Variants in ARMC9 observed in about 807,000 individuals in gnomAD.
ARMC9 encodes the protein armadillo repeat containing 9.
ARMC9 carries 94 observed loss-of-function variants against 107.0 expected under a neutral mutation model. The observed-to-expected ratio is 0.88, with a 90% CI of 0.74 to 1.04. The LOEUF is 1.04. ARMC9 is among the 50% of genes least tolerant of loss of function. The pLI, the probability that ARMC9 is intolerant of heterozygous loss-of-function variation, is 0.00. For synonymous variants in ARMC9, 380 were observed against 396.9 expected (o/e 0.96, Z 0.51); for missense variants, 942 against 1,030.1 (o/e 0.91, Z 1.17).
chr2:231,300,808 T>C (rs1418247446), intron 19 of ARMC9, among the ~76,000 whole-genome samples: 5 of 152,138 alleles, frequency 3.3e-5, no homozygotes, highest in Non-Finnish European at 7.3e-5. Flanking sequence ...ATAAAGGTGA[T>C]AGACACAGGA....
At chr2:231,270,068 G>A (rs559195412) in intron 12 of ARMC9, among the ~76,000 whole-genome samples, 2 of 152,240 alleles carry the variant, frequency 1.3e-5, no homozygotes, top group South Asian at 4.2e-4. Context: ...TGATTTCACG[G>A]TCTCTAATTC....
chr2:231,279,603 C>T (rs1479036050), intron 16 of ARMC9, among the ~76,000 whole-genome samples: 3 of 151,024 alleles, frequency 2.0e-5, no homozygotes, highest in African/African-American at 2.4e-5. Context: ...CTCCACCTCC[C>T]GGGTTCAAGC....
chr2:231,331,762 C>T (rs1301649100), intron 19 of ARMC9, 31 bp from the exon 20 acceptor site: 2 of 1,589,842 alleles, frequency 1.3e-6, no homozygotes, highest in African/African-American at 1.3e-5. Flanking sequence ...TCAGGGTGTC[C>T]ATGGCATTCA....
At chr2:231,221,090 A>G in intron 5 of ARMC9, among the ~76,000 whole-genome samples, 1 of 152,180 alleles carries the variant, frequency 6.6e-6, no homozygotes, top group East Asian at 1.9e-4. Flanking sequence ...TCGTTGTCTT[A>G]CAGTTCTGGA....
intron 2 of ARMC9, 122 bp from the exon 3 acceptor site, chr2:231,208,005 C>T: frequency 7.1e-6 from 4 of 560,732 alleles, no homozygotes; most frequent in Non-Finnish European, 1.3e-5. Flanking sequence ...AGCACCTTTT[C>T]ATGTATCTGT....
At chr2:231,258,369 C>T (rs1257546822) in intron 10 of ARMC9, among the ~76,000 whole-genome samples, 6 of 151,862 alleles carry the variant, frequency 4.0e-5, no homozygotes, top group Non-Finnish European at 7.4e-5. Context: ...TTAGTAGAGA[C>T]GGGGTTTCAC....
At chr2:231,263,094 G>T (rs1209391591) in intron 12 of ARMC9, among the ~76,000 whole-genome samples, 1 of 152,194 alleles carries the variant, frequency 6.6e-6, no homozygotes, top group African/African-American at 2.4e-5. Context: ...CACTGGACAG[G>T]AGGAGGATCA....
chr2:231,247,001 G>A (rs971442651), intron 9 of ARMC9, among the ~76,000 whole-genome samples: 1 of 151,670 alleles, frequency 6.6e-6, no homozygotes, highest in Admixed American at 6.6e-5. Context: ...CCATCACCAG[G>A]CTGGAGTGCA....
chr2:231,270,706 A>G (rs968009544), intron 12 of ARMC9: 1 of 590,228 alleles, frequency 1.7e-6, no homozygotes, highest in African/African-American at 1.8e-5. Flanking sequence ...CAACGGTAAC[A>G]GCAAACAGGA....
intron 19 of ARMC9, among the ~76,000 whole-genome samples, chr2:231,324,340 C>A (rs1280308233): frequency 8.6e-5 from 13 of 150,978 alleles, no homozygotes; most frequent in East Asian, 2.0e-4. Context: ...ATTGGCCAGG[C>A]TGGTCTTGAA....
chr2:231,201,165 C>T (rs2030880331), intron 1 of ARMC9, among the ~76,000 whole-genome samples: 1 of 152,196 alleles, frequency 6.6e-6, no homozygotes. Flanking sequence ...AGCTGCCTTT[C>T]TTCTCTCCCC....
chr2:231,273,708 C>T (rs1211518985), intron 14 of ARMC9, among the ~76,000 whole-genome samples: 2 of 152,178 alleles, frequency 1.3e-5, no homozygotes, highest in African/African-American at 4.8e-5. Flanking sequence ...AGTCACCGCA[C>T]CCGGCCCCGT....
At chr2:231,239,038 A>G (rs1386724651) in intron 8 of ARMC9, among the ~76,000 whole-genome samples, 5 of 152,302 alleles carry the variant, frequency 3.3e-5, no homozygotes, top group African/African-American at 1.2e-4. Flanking sequence ...AAGTTCCCCC[A>G]GGTGGAATCA....
chr2:231,229,946 A>G (rs1216039357), intron 7 of ARMC9, among the ~76,000 whole-genome samples: 1 of 152,140 alleles, frequency 6.6e-6, no homozygotes, highest in African/African-American at 2.4e-5. Flanking sequence ...CGGGGGAGAG[A>G]TTTACATCAC....
At chr2:231,280,338 A>C (rs1397086149) in intron 16 of ARMC9, among the ~76,000 whole-genome samples, 1 of 152,090 alleles carries the variant, frequency 6.6e-6, no homozygotes, top group Non-Finnish European at 1.5e-5. Context: ...TGTGCCTGTA[A>C]TCCTAGCTAC....
chr2:231,231,424 C>G (rs2035204172), intron 7 of ARMC9, among the ~76,000 whole-genome samples: 1 of 152,186 alleles, frequency 6.6e-6, no homozygotes, highest in Non-Finnish European at 1.5e-5. Flanking sequence ...AGCGCTGTTG[C>G]CCAGGCTGGA....
chr2:231,225,176 G>C (rs1166087371), intron 6 of ARMC9, among the ~76,000 whole-genome samples: 1 of 152,130 alleles, frequency 6.6e-6, no homozygotes, highest in Non-Finnish European at 1.5e-5. Flanking sequence ...TGTAATAAAG[G>C]TAGGTACATG....
At chr2:231,262,619 C>G (rs1320349724) in intron 12 of ARMC9, among the ~76,000 whole-genome samples, 1 of 152,190 alleles carries the variant, frequency 6.6e-6, no homozygotes, top group East Asian at 1.9e-4. Context: ...GAGCTCTTTT[C>G]TGCCGTTTTT....
chr2:231,297,490 C>T lies in ARMC9; in HGVS notation c.1773+1237C>T, dbSNP rs1468334167. Among the ~76,000 whole-genome samples the T allele has an allele frequency of 1.3e-5, 2 of 152,220 alleles. No individual in the cohort carries two copies. Among genetic ancestry groups the T allele is most frequent in the African/African-American group, 4.8e-5 (2 of 41,458 alleles). ...GGCCACACAGTCTCTGTTCCAACCA[C>T]TCAATTCTGCCATTGTAACACGGTG... is the stretch of plus-strand genomic sequence containing the variant. On this transcript the variant is annotated intron_variant, in intron 19 of 24. Transcript: ENST00000611582. The surrounding 1 kb of genome is among the most constrained non-coding windows in gnomAD (Gnocchi z 4.2).
Sources: allele counts gnomAD v4.1 joint callset (sites outside exome capture counted in the v4.1 genomes callset), GRCh38; gene constraint gnomAD v4.1.1; non-coding constraint Gnocchi (gnomAD v3.1); transcripts MANE v1.5; gene names NCBI Gene and HGNC (gene_info 2026-07-23, HGNC 2026-07-21).